The following NTM variants were observed in gnomAD, a reference collection of about 807,000 sequenced individuals.
NTM encodes the protein neurotrimin.
Under a neutral mutation model 42.1 loss-of-function variants are expected in NTM, and 13 were observed. The ratio of observed to expected loss-of-function variants is 0.31; its 90% CI spans 0.20 to 0.49. NTM has a LOEUF of 0.49. NTM is among the 20% of genes least tolerant of loss of function. The probability of loss-of-function intolerance (pLI) is 0.99; values close to 1 mark genes in which losing one functional copy is unlikely to be tolerated. For missense variants in NTM, 373 were observed against 452.8 expected (o/e 0.82, Z 1.60); for synonymous variants, 187 against 179.2 (o/e 1.04, Z -0.35).
intron 1 of NTM, among the ~76,000 whole-genome samples, chr11:131,619,620 A>C (rs184519978): frequency 1.4e-3 from 207 of 152,300 alleles, no homozygotes; most frequent in African/African-American, 4.8e-3. Flanking sequence ...GAAAGAGGGA[A>C]GAAAGAACAC....
At position 132,240,335 on chromosome 11, in the gene NTM, A is replaced by G. The variant is rs141104794; in HGVS notation, c.526+28188A>G. On this transcript the variant is annotated intron_variant, in intron 4 of 8. Transcript: ENST00000683400. ...GATAATGTCTAATTCTTTTTATTGA[A>G]CCATAGATAAAAGACAGAGTGGAAT... Among the ~76,000 whole-genome samples, 735 of 152,296 alleles carry G rather than the reference A, an allele frequency of 4.8e-3. 5 individuals are homozygous for G. Among genetic ancestry groups the G allele is most frequent in the African/African-American group, 0.017 (701 of 41,544 alleles).
chr11:132,247,485 T>C (rs2091346775), intron 4 of NTM, among the ~76,000 whole-genome samples: 1 of 152,196 alleles, frequency 6.6e-6, no homozygotes, highest in Admixed American at 6.5e-5. Flanking sequence ...TTTGCTTCCC[T>C]TCTCTTTAAT....
chr11:132,229,158 G>A (rs2086926900), intron 4 of NTM, among the ~76,000 whole-genome samples: 1 of 152,112 alleles, frequency 6.6e-6, no homozygotes, highest in Non-Finnish European at 1.5e-5. Context: ...TATTTTTACG[G>A]TAGCTTGGCT....
intron 2 of NTM, among the ~76,000 whole-genome samples, chr11:131,967,151 G>A (rs1447442968): frequency 6.6e-6 from 1 of 152,198 alleles, no homozygotes; most frequent in Non-Finnish European, 1.5e-5. Context: ...AAGTGGACAG[G>A]TGAATATAAA....
Position 132,146,461 on chromosome 11 carries a change from C to T in NTM, c.347C>T (p.Ser116Leu). 2 of 1,614,182 alleles carry T rather than the reference C, an allele frequency of 1.2e-6. No individual in the cohort carries two copies. The highest frequency in any genetic ancestry group is 1.7e-6 in the Non-Finnish European group (2 of 1,180,036). ...DVYDEGPYTC[S>L]VQTDNHPKTS... is the part of the protein sequence containing the mutation. ...TATGACGAGGGCCCTTACACCTGCT[C>T]GGTGCAGACAGACAACCACCCAAAG... The change falls in exon 3 of 9, where the codon TCG becomes TTG. Residue 116 changes from serine to leucine, a missense_variant. Physicochemically the swap from Ser to Leu is moderately radical, Grantham distance 145. Transcript: ENST00000683400. This position sits in a 1 kb window ranked among gnomAD's most constrained non-coding sequence, Gnocchi z 4.5.
chr11:132,072,323 A>G (rs2057788636), intron 2 of NTM, among the ~76,000 whole-genome samples: 1 of 152,024 alleles, frequency 6.6e-6, no homozygotes, highest in African/African-American at 2.4e-5. Context: ...TGTTACTCAG[A>G]CTCCCGTAGG....
intron 1 of NTM, among the ~76,000 whole-genome samples, chr11:131,845,661 C>T (rs2044811669): frequency 1.3e-5 from 2 of 151,268 alleles, no homozygotes; most frequent in Admixed American, 6.6e-5. Context: ...ACCAACTTTG[C>T]ACTCCTGAGA....
In NTM at chr11:131,710,654, T is replaced by TA. The variant is rs35663065; in HGVS notation, c.83-200902dup. Among the ~76,000 whole-genome samples the TA allele has an allele frequency of 2.0e-3, 300 of 151,978 alleles. 2 individuals are homozygous for TA. The highest frequency in any genetic ancestry group is 5.3e-3 in the Admixed American group (81 of 15,268). On this transcript the variant is annotated intron_variant, in intron 1 of 8. Coordinates refer to ENST00000683400, the MANE Select transcript of NTM (RefSeq NM_001352005.2). ...ACCATTAACAGCAACTGAGAAGTTGTAAAAAAAATGCAGACTCTCTGGTTC... is the reference window on the plus strand; with the variant it reads ...ACCATTAACAGCAACTGAGAAGTTGTAAAAAAAAATGCAGACTCTCTGGTTC...
chr11:131,559,093 C>A (rs957205031), intron 1 of NTM, among the ~76,000 whole-genome samples: 4 of 152,026 alleles, frequency 2.6e-5, no homozygotes, highest in Non-Finnish European at 2.9e-5. Flanking sequence ...TTATGGAAGA[C>A]CCGCAAGGAG....
chr11:131,535,757 G>C (rs376599453), intron 1 of NTM: 1 of 152,234 alleles, frequency 6.6e-6, no homozygotes, highest in Non-Finnish European at 1.5e-5. Context: ...ACTATTCAAA[G>C]AAAGGGCCTG....
intron 1 of NTM, among the ~76,000 whole-genome samples, chr11:131,645,780 AT>A (rs879845467): frequency 2.0e-5 from 3 of 152,076 alleles, no homozygotes; most frequent in Non-Finnish European, 4.4e-5. Context: ...ACTTCTTTCA[AT>A]GGGATCTTGG....
At position 131,409,414 on chromosome 11, in the gene NTM, G is replaced by T. The variant is rs556202631; in HGVS notation, c.82+38526G>T. ...CACAGCCTTCTGGCTGCCTTCCACA[G>T]AGAGGTGCAGGAGTCCCACGGTAGT... On this transcript the variant is annotated intron_variant, in intron 1 of 8. Transcript: ENST00000683400. 1.5e-3 allele frequency among the ~76,000 whole-genome samples: 224 copies of T among 152,334 alleles called. 1 individual carries two copies. The highest frequency in any genetic ancestry group is 5.3e-3 in the African/African-American group (220 of 41,584).
intron 4 of NTM, among the ~76,000 whole-genome samples, chr11:132,297,196 T>C (rs899607563): frequency 1.3e-5 from 2 of 152,186 alleles, no homozygotes; most frequent in Non-Finnish European, 2.9e-5. Context: ...ACCTTGTAGT[T>C]TTCTCCCAGA....
chr11:131,563,396 G>A (rs1001852534), intron 1 of NTM, among the ~76,000 whole-genome samples: 2 of 152,076 alleles, frequency 1.3e-5, no homozygotes, highest in Non-Finnish European at 2.9e-5. Context: ...GCCCCTCTCT[G>A]GGGAAGACTG....
chr11:131,848,210 C>T (rs915019950), intron 1 of NTM, among the ~76,000 whole-genome samples: 1 of 152,102 alleles, frequency 6.6e-6, no homozygotes, highest in Non-Finnish European at 1.5e-5. Flanking sequence ...AATAAAAATT[C>T]CCTCTCCTCC....
chr11:132,014,858 G>A (rs1165661965), intron 2 of NTM, among the ~76,000 whole-genome samples: 16 of 146,398 alleles, frequency 1.1e-4, no homozygotes, highest in Admixed American at 7.7e-4. Context: ...TCACTCTGTT[G>A]ATTGTTTCTT....
Position 131,809,880 on chromosome 11 carries a change from G to T in NTM, c.83-101684G>T, listed in dbSNP as rs116594167. Among the ~76,000 whole-genome samples the T allele has an allele frequency of 7.0e-3, 1,065 of 152,268 alleles. 8 individuals are homozygous for T. Among genetic ancestry groups the T allele is most frequent in the African/African-American group, 0.024 (1,006 of 41,542 alleles). On this transcript the variant is annotated intron_variant, in intron 1 of 8. Transcript: ENST00000683400. Reference sequence around the variant, plus strand: ...TCCTTCGAAATCACCTACGAGATTTGTTTCCAAATTCCTGCCTTGACGTGG... The same window carrying T: ...TCCTTCGAAATCACCTACGAGATTTTTTTCCAAATTCCTGCCTTGACGTGG...
chr11:132,008,321 G>C (rs1032735872), intron 2 of NTM, among the ~76,000 whole-genome samples: 1 of 152,146 alleles, frequency 6.6e-6, no homozygotes, highest in Non-Finnish European at 1.5e-5. Flanking sequence ...CCATCCATAT[G>C]CTTAAGGTCT....
chr11:132,081,124 C>T (rs1250048608), intron 2 of NTM, among the ~76,000 whole-genome samples: 2 of 152,198 alleles, frequency 1.3e-5, no homozygotes, highest in Non-Finnish European at 2.9e-5. Flanking sequence ...AGTTCACTGT[C>T]ACTGAGAATA....
Sources: gnomAD v4.1 joint callset for allele counts (sites outside exome capture counted in the v4.1 genomes callset) on GRCh38, gnomAD v4.1.1 for gene constraint, Gnocchi (gnomAD v3.1) non-coding constraint, MANE v1.5 for transcripts, NCBI Gene and HGNC (gene_info 2026-07-23, HGNC 2026-07-21) for gene names.